The following CTNNA3 variants were observed in gnomAD, a reference collection of about 807,000 sequenced individuals.
CTNNA3 encodes catenin alpha 3.
Under a neutral mutation model 95.7 loss-of-function variants are expected in CTNNA3, and 76 were observed. That is an observed-to-expected ratio of 0.79 (90% CI 0.66 to 0.96). The LOEUF (loss-of-function observed/expected upper bound fraction) is 0.96. Ranked by LOEUF, CTNNA3 falls within the 40% of genes least tolerant of loss-of-function variation. The probability of loss-of-function intolerance (pLI) is 0.00; values close to 1 mark genes in which losing one functional copy is unlikely to be tolerated. For synonymous variants in CTNNA3, 431 were observed against 374.4 expected (o/e 1.15, Z -1.74); for missense variants, 1,191 against 1,089.8 (o/e 1.09, Z -1.31).
intron 9 of CTNNA3, among the ~76,000 whole-genome samples, chr10:66,658,786 C>G (rs1030813508): frequency 1.3e-5 from 2 of 152,126 alleles, no homozygotes; most frequent in Admixed American, 1.3e-4. Context: ...CTGTGCCTCA[C>G]GGGTTCAAGC....
At chr10:67,756,513 A>G (rs903578967) in intron 1 of CTNNA3, among the ~76,000 whole-genome samples, 3 of 152,224 alleles carry the variant, frequency 2.0e-5, no homozygotes, top group Non-Finnish European at 4.4e-5. Flanking sequence ...AAAACACTAA[A>G]AGATAAATGA....
At chr10:66,718,049 A>G (rs926931544) in intron 9 of CTNNA3, among the ~76,000 whole-genome samples, 8 of 152,222 alleles carry the variant, frequency 5.3e-5, no homozygotes, top group Non-Finnish European at 1.2e-4. Flanking sequence ...ACAAAAGCCA[A>G]CAAGTTGTAC....
intron 7 of CTNNA3, among the ~76,000 whole-genome samples, chr10:67,057,027 C>T (rs1483064174): frequency 6.6e-6 from 1 of 152,160 alleles, no homozygotes; most frequent in Non-Finnish European, 1.5e-5. Context: ...TCATTAAGCA[C>T]TACATCAGCA....
intron 5 of CTNNA3, among the ~76,000 whole-genome samples, chr10:67,279,540 A>T (rs1839313171): frequency 6.6e-6 from 1 of 151,080 alleles, no homozygotes; most frequent in Non-Finnish European, 1.5e-5. Context: ...AGATAGGGTA[A>T]TAGTCAATTA....
chr10:67,544,505 A>C (rs1228050191), intron 3 of CTNNA3, among the ~76,000 whole-genome samples: 1 of 152,182 alleles, frequency 6.6e-6, no homozygotes, highest in African/African-American at 2.4e-5. Flanking sequence ...CAAGGCAGTA[A>C]ATGTATAAAA....
chr10:67,703,052 T>C (rs1476126433), intron 1 of CTNNA3, among the ~76,000 whole-genome samples: 1 of 152,132 alleles, frequency 6.6e-6, no homozygotes, highest in African/African-American at 2.4e-5. Context: ...CCTTGACATA[T>C]ACACCCTCCC....
At chr10:66,934,349 A>G (rs927564874) in intron 7 of CTNNA3, among the ~76,000 whole-genome samples, 3 of 152,024 alleles carry the variant, frequency 2.0e-5, no homozygotes, top group Non-Finnish European at 4.4e-5. Flanking sequence ...TGTTCTCCTT[A>G]TTTGAAAGAG....
chr10:66,263,811 C>T (rs893254684), intron 13 of CTNNA3, among the ~76,000 whole-genome samples: 4 of 151,924 alleles, frequency 2.6e-5, no homozygotes, highest in Non-Finnish European at 5.9e-5. Context: ...CATACATTAC[C>T]TACTTGATCA....
chr10:66,559,364 C>A (rs1842483339), intron 10 of CTNNA3, among the ~76,000 whole-genome samples: 1 of 137,180 alleles, frequency 7.3e-6, no homozygotes, highest in South Asian at 2.7e-4. Context: ...CTAACCTACA[C>A]CATTTTTTTC....
At chr10:65,968,002 G>C (rs976448767) in intron 16 of CTNNA3, among the ~76,000 whole-genome samples, 4 of 152,110 alleles carry the variant, frequency 2.6e-5, no homozygotes, top group African/African-American at 4.8e-5. Flanking sequence ...CAAGAAAATA[G>C]AGTTTCAAAG....
intron 12 of CTNNA3, among the ~76,000 whole-genome samples, chr10:66,332,843 A>T (rs2092347720): frequency 6.6e-6 from 1 of 152,090 alleles, no homozygotes; most frequent in Non-Finnish European, 1.5e-5. Flanking sequence ...TTCGGCTGTG[A>T]ATCCATCTGG....
At chr10:67,493,366 C>T (rs1838920232) in intron 5 of CTNNA3, among the ~76,000 whole-genome samples, 2 of 152,192 alleles carry the variant, frequency 1.3e-5, no homozygotes, top group South Asian at 4.1e-4. Flanking sequence ...TCGAGACCAT[C>T]CTGGCTAACA....
At chr10:67,058,097 C>G (rs191756822) in intron 7 of CTNNA3, among the ~76,000 whole-genome samples, 1 of 152,244 alleles carries the variant, frequency 6.6e-6, no homozygotes, top group Admixed American at 6.5e-5. Context: ...ATGCTGGTGT[C>G]TCTTCACTAT....
chr10:67,577,362 C>T (rs1466007454), intron 3 of CTNNA3, among the ~76,000 whole-genome samples: 4 of 149,914 alleles, frequency 2.7e-5, no homozygotes, highest in African/African-American at 5.1e-5. Flanking sequence ...CCTTTGCCCA[C>T]TTTTTGATGG....
At position 65,927,484 on chromosome 10, in the gene CTNNA3, C is replaced by A. The variant is rs1445312660; in HGVS notation, c.2401-6867G>T. Reference sequence around the variant, plus strand: ...CTTCCCACCCCAGGTATCAGGCATCCACAGATCTGCTATAGAGCACCACAG... The same window carrying A: ...CTTCCCACCCCAGGTATCAGGCATCAACAGATCTGCTATAGAGCACCACAG... On this transcript the variant is annotated intron_variant, in intron 17 of 17. Coordinates refer to ENST00000433211, the MANE Select transcript of CTNNA3 (RefSeq NM_013266.4). 3.9e-5 allele frequency among the ~76,000 whole-genome samples: 6 copies of A among 152,106 alleles called. No homozygotes were observed. The East Asian group carries it at 1.2e-3, about 29-fold the overall frequency.
At chr10:67,742,544 A>C (rs1841346678) in intron 1 of CTNNA3, among the ~76,000 whole-genome samples, 1 of 151,240 alleles carries the variant, frequency 6.6e-6, no homozygotes, top group Non-Finnish European at 1.5e-5. Context: ...CCACAAGAGA[A>C]AGCAGGAAAG....
At chr10:67,260,675 GT>G (rs1386345703) in intron 5 of CTNNA3, among the ~76,000 whole-genome samples, 1 of 131,284 alleles carries the variant, frequency 7.6e-6, no homozygotes, top group African/African-American at 4.0e-5. Context: ...GTTTTGTTTT[GT>G]TTTTTTGTTT....
intron 1 of CTNNA3, among the ~76,000 whole-genome samples, chr10:67,714,693 C>T (rs1378992690): frequency 6.6e-6 from 1 of 152,066 alleles, no homozygotes; most frequent in African/African-American, 2.4e-5. Context: ...TTGAGAGGGG[C>T]CAGGGGTGAA....
intron 11 of CTNNA3, among the ~76,000 whole-genome samples, chr10:66,394,184 C>T (rs534534099): frequency 6.6e-5 from 10 of 151,952 alleles, no homozygotes; most frequent in Non-Finnish European, 1.0e-4. Flanking sequence ...ATTGACTATG[C>T]TCTGGTAATG....
Sources: allele counts gnomAD v4.1 joint callset (sites outside exome capture counted in the v4.1 genomes callset), GRCh38; gene constraint gnomAD v4.1.1; transcripts MANE v1.5; gene names NCBI Gene and HGNC (gene_info 2026-07-23, HGNC 2026-07-21).